The following CDKN2A variants were observed in gnomAD, a reference collection of about 807,000 sequenced individuals.
CDKN2A encodes cyclin dependent kinase inhibitor 2A.
CDKN2A carries 3 observed loss-of-function variants against 11.1 expected under a neutral mutation model. The observed-to-expected ratio is 0.27, with a 90% CI of 0.12 to 0.70. The LOEUF is 0.70. Ranked by LOEUF, CDKN2A falls within the 30% of genes least tolerant of loss-of-function variation. The pLI, the probability that CDKN2A is intolerant of heterozygous loss-of-function variation, is 0.77. For synonymous variants in CDKN2A, 122 were observed against 108.1 expected (o/e 1.13, Z -0.80); for missense variants, 265 against 233.6 (o/e 1.13, Z -0.88).
chr9:21,994,107 T>A (rs767841534), intron 1 of CDKN2A: 2 of 1,593,596 alleles, frequency 1.3e-6, no homozygotes, highest in East Asian at 2.2e-5. Context: ...AAGTGCCGAA[T>A]GCGCCCCGGA....
At position 21,968,717 on chromosome 9, in the gene CDKN2A, T is replaced by C. The variant is rs1347187761; in HGVS notation, c.458-475A>G. On this transcript the variant is annotated intron_variant, in intron 2 of 2. Transcript: ENST00000304494. This position sits in a 1 kb window ranked among gnomAD's most constrained non-coding sequence, Gnocchi z 4.7. ...TCTGGCGCTCCTCGGCGGAATCCCG[T>C]AGCTTCCCTACGCATGCCTGCTTCT... 6 of 1,536,010 alleles carry C rather than the reference T, an allele frequency of 3.9e-6. No individual in the cohort carries two copies. The East Asian group carries it at 1.5e-4, about 38-fold the overall frequency.
intron 2 of CDKN2A, chr9:21,969,668 GC>G (rs1371720516): frequency 2.5e-6 from 1 of 398,252 alleles, no homozygotes; most frequent in Admixed American, 4.4e-5. Flanking sequence ...GGCTCCTCAG[GC>G]TTTTTGCTCA....
rs6413464 is a variant in CDKN2A at position 21,970,980 on chromosome 9, C to A, written c.379G>T (p.Ala127Ser). The stretch of plus-strand genomic sequence containing the variant: ...CCCGCAGCCGCGCGCAGGTACCGTG[C>A]GACATCGCGATGGCCCAGCTCCTCA... Reference protein sequence around the residue: ...LAEELGHRDVARYLRAAAGGT... With the variant: ...LAEELGHRDVSRYLRAAAGGT... The change falls in exon 2 of 3, where the codon GCA becomes TCA. Residue 127 changes from alanine to serine, a missense_variant. By Grantham distance (99) the Ala-to-Ser change is moderately conservative. Transcript: ENST00000304494. 1,532 of 1,610,798 alleles carry A rather than the reference C, an allele frequency of 9.5e-4. 13 individuals are homozygous for A. The African/African-American group carries it at 0.017, about 18-fold the overall frequency.
chr9:21,987,174 A>T (rs2131135684), intron 2 of CDKN2A, among the ~76,000 whole-genome samples: 1 of 151,858 alleles, frequency 6.6e-6, no homozygotes, highest in East Asian at 1.9e-4. Flanking sequence ...TTCCCCCCCC[A>T]TCACTGTGCT....
intron 2 of CDKN2A, chr9:21,989,814 C>G (rs1478288918): frequency 6.6e-6 from 1 of 152,286 alleles, no homozygotes; most frequent in Non-Finnish European, 1.5e-5. Context: ...ACGTGGAACC[C>G]CAGGTCCGCA....
At chr9:21,993,835 G>GTGTT (rs1820506050) in intron 2 of CDKN2A, 1 of 483,990 alleles carries the variant, frequency 2.1e-6, no homozygotes, top group African/African-American at 2.0e-5. Flanking sequence ...GTGTGTGTGT[G>GTGTT]TGTGTGTGTG....
chr9:21,971,368 T>TAG, intron 1 of CDKN2A, 160 bp from the exon 2 acceptor site: 2 of 1,487,116 alleles, frequency 1.3e-6, no homozygotes, highest in Non-Finnish European at 1.8e-6. Context: ...CTTCTTGAGT[T>TAG]CTCTATCCAT....
chr9:21,979,751 G>C (rs1820130424), upstream of CDKN2A, among the ~76,000 whole-genome samples: 1 of 152,184 alleles, frequency 6.6e-6, no homozygotes, highest in Admixed American at 6.5e-5. Flanking sequence ...GTAAGACTCA[G>C]ACAGAGAAGC....
At chr9:21,983,633 A>G (rs1820243509) in intron 2 of CDKN2A, among the ~76,000 whole-genome samples, 1 of 152,046 alleles carries the variant, frequency 6.6e-6, no homozygotes, top group Non-Finnish European at 1.5e-5. Context: ...TGATTTATAG[A>G]TAACAAAATG....
chr9:21,980,697 C>G (rs966167236), intron 2 of CDKN2A, among the ~76,000 whole-genome samples: 1 of 151,716 alleles, frequency 6.6e-6, no homozygotes, highest in Admixed American at 6.6e-5. Context: ...CGGTGGCTCA[C>G]GCCTGTAATC....
At position 21,968,458 on chromosome 9, in the gene CDKN2A, C is replaced by A; in HGVS notation, c.458-216G>T. 6.7e-7 allele frequency: 1 copy of A among 1,485,426 alleles called. No individual in the cohort carries two copies. The highest frequency in any genetic ancestry group is 8.9e-7 in the Non-Finnish European group (1 of 1,121,702). 92.0% of individuals were successfully genotyped at this position (1,485,426 alleles called of 1,614,324 possible). On this transcript the variant is annotated intron_variant, in intron 2 of 2. Transcript: ENST00000304494. The surrounding 1 kb of genome is among the most constrained non-coding windows in gnomAD (Gnocchi z 4.7). ...GCCCGCCTGGCTGCTCCAGGCGCGC[C>A]GACCGCTCAAGCGCTCCAGGTCCAC... is the stretch of plus-strand genomic sequence containing the variant.
rs1305455942 is a variant in CDKN2A, at chr9:21,994,296, C to A, written c.-175-243G>T. 4 of 1,604,238 alleles carry A rather than the reference C, an allele frequency of 2.5e-6. No individual in the cohort carries two copies. The highest frequency in any genetic ancestry group is 2.7e-5 in the African/African-American group (2 of 74,724). On this transcript the variant is annotated intron_variant, in intron 1 of 3. Transcript: ENST00000494262. ...TCACTCGCGGCGGGCCGCACGCGCG[C>A]CGAATCCGGAGGGTCACCAAGAACC...
At chr9:21,984,526 C>G (rs1820261013) in intron 2 of CDKN2A, among the ~76,000 whole-genome samples, 1 of 152,004 alleles carries the variant, frequency 6.6e-6, no homozygotes, top group Non-Finnish European at 1.5e-5. Flanking sequence ...CTCAAATATG[C>G]TGTCCTTTTT....
At chr9:21,985,053 A>G (rs941441594) in intron 2 of CDKN2A, among the ~76,000 whole-genome samples, 3 of 152,016 alleles carry the variant, frequency 2.0e-5, no homozygotes, top group African/African-American at 7.2e-5. Flanking sequence ...TTGATTAAAT[A>G]AGTAACTGCT....
intron 2 of CDKN2A, among the ~76,000 whole-genome samples, chr9:21,969,020 C>T (rs1046858531): frequency 1.3e-5 from 2 of 152,220 alleles, no homozygotes; most frequent in Non-Finnish European, 2.9e-5. Context: ...TCCGACCACT[C>T]TTTAGCTTCT....
upstream of CDKN2A, among the ~76,000 whole-genome samples, chr9:21,976,863 T>C (rs565216056): frequency 1.2e-4 from 18 of 152,376 alleles, 1 homozygote; most frequent in South Asian, 3.5e-3. Flanking sequence ...GTAAAAGTTC[T>C]AATTTTTCCT....
intron 2 of CDKN2A, among the ~76,000 whole-genome samples, chr9:21,986,468 TAAA>T (rs1408872233): frequency 2.0e-5 from 3 of 152,060 alleles, no homozygotes; most frequent in Admixed American, 6.5e-5. Context: ...AATAGTTAAC[TAAA>T]AGAGATGGAA....
chr9:21,972,720 G>T (rs1819822417), intron 1 of CDKN2A, among the ~76,000 whole-genome samples: 1 of 152,154 alleles, frequency 6.6e-6, no homozygotes, highest in Non-Finnish European at 1.5e-5. Flanking sequence ...TCACCTCTTT[G>T]GTTCCTAAAT....
chr9:21,969,901 C>A, intron 2 of CDKN2A: 1 of 397,084 alleles, frequency 2.5e-6, no homozygotes, highest in Non-Finnish European at 4.4e-6. Context: ...CATCTCCAAG[C>A]AGAGGGCTTA....
Sources: allele counts gnomAD v4.1 joint callset (sites outside exome capture counted in the v4.1 genomes callset), GRCh38; gene constraint gnomAD v4.1.1; non-coding constraint Gnocchi (gnomAD v3.1); transcripts MANE v1.5; gene names NCBI Gene and HGNC (gene_info 2026-07-23, HGNC 2026-07-21).